SASS6: variants seen among roughly 807,000 people sequenced by gnomAD.
SASS6 encodes SAS-6 centriolar assembly protein, also known as spindle assembly abnormal protein 6 homolog.
A neutral mutation model predicts 94.9 loss-of-function variants in SASS6; 59 were observed. That is an observed-to-expected ratio of 0.62 (90% CI 0.50 to 0.77). The LOEUF (loss-of-function observed/expected upper bound fraction) is 0.77. SASS6 is among the 30% of genes least tolerant of loss of function. SASS6 has a pLI of 0.00. For missense variants in SASS6, 698 were observed against 734.1 expected (o/e 0.95, Z 0.57); for synonymous variants, 264 against 270.0 (o/e 0.98, Z 0.22).
chr1:100,113,147 A>T (rs1653483470), intron 7 of SASS6, among the ~76,000 whole-genome samples: 1 of 152,226 alleles, frequency 6.6e-6, no homozygotes, highest in Non-Finnish European at 1.5e-5. Flanking sequence ...GAATAGAGTG[A>T]GGTAGAGATT....
intron 16 of SASS6, 34 bp downstream of exon 16, chr1:100,085,502 T>C: frequency 5.1e-6 from 8 of 1,579,700 alleles, no homozygotes; most frequent in Non-Finnish European, 6.1e-6. Context: ...TTAATTCAAC[T>C]ATAAAGTACA....
intron 2 of SASS6, among the ~76,000 whole-genome samples, chr1:100,123,829 A>G (rs1654378765): frequency 6.6e-6 from 1 of 152,202 alleles, no homozygotes; most frequent in Non-Finnish European, 1.5e-5. Flanking sequence ...GTGGCCACTG[A>G]TATGGAAGCC....
At chr1:100,124,550 T>A (rs1434347789) in intron 2 of SASS6, among the ~76,000 whole-genome samples, 1 of 152,140 alleles carries the variant, frequency 6.6e-6, no homozygotes, top group Non-Finnish European at 1.5e-5. Flanking sequence ...TCAGCTAATT[T>A]GTGTATTTTT....
intron 14 of SASS6, among the ~76,000 whole-genome samples, chr1:100,100,491 T>G (rs1246665119): frequency 6.6e-6 from 1 of 152,214 alleles, no homozygotes; most frequent in Non-Finnish European, 1.5e-5. Flanking sequence ...TATCATTGTA[T>G]CCAAAAATAA....
chr1:100,132,674 G>T, intron 1 of SASS6, 76 bp downstream of exon 1: 1 of 1,233,838 alleles, frequency 8.1e-7, no homozygotes, highest in Non-Finnish European at 1.2e-6. Flanking sequence ...TGGATCCCAC[G>T]GGCCAGAACC....
chr1:100,118,173 G>C (rs1339839405), intron 7 of SASS6, among the ~76,000 whole-genome samples: 1 of 151,974 alleles, frequency 6.6e-6, no homozygotes, highest in Non-Finnish European at 1.5e-5. Context: ...AAATTAGCTG[G>C]GCATGGTGGC....
chr1:100,089,137 C>T (rs1651510844), intron 14 of SASS6, among the ~76,000 whole-genome samples: 3 of 151,950 alleles, frequency 2.0e-5, no homozygotes, highest in Non-Finnish European at 4.4e-5. Context: ...GAAAATTTCT[C>T]ACTGAATAAA....
intron 6 of SASS6, among the ~76,000 whole-genome samples, chr1:100,119,762 C>G (rs919452914): frequency 6.6e-6 from 1 of 152,196 alleles, no homozygotes; most frequent in African/African-American, 2.4e-5. Context: ...TCCTGCTCCC[C>G]TTTGCCTTCA....
rs1651154280 is a variant in SASS6 at position 100,085,310 on chromosome 1, TA to T, written c.*17del. 6.7e-7 allele frequency: 1 copy of T among 1,484,412 alleles called. No individual in the cohort carries two copies. Among genetic ancestry groups the T allele is most frequent in the Admixed American group, 1.7e-5 (1 of 59,376 alleles). The allele number at this position is 1,484,412 out of a possible 1,614,324, so 92.0% of individuals were successfully genotyped here. On this transcript the variant is annotated 3_prime_UTR_variant, in exon 17 of 17. Coordinates refer to ENST00000287482, the MANE Select transcript of SASS6 (RefSeq NM_194292.3). Reference sequence around the variant, plus strand: ...GAGTTTCTAAAATACCAATAAAAAGTAAAACATGACACTAGAATTAACTGTT... The same window carrying T: ...GAGTTTCTAAAATACCAATAAAAAGTAAACATGACACTAGAATTAACTGTT...
At chr1:100,118,163 A>G (rs924581881) in intron 7 of SASS6, among the ~76,000 whole-genome samples, 1 of 152,098 alleles carries the variant, frequency 6.6e-6, no homozygotes, top group African/African-American at 2.4e-5. Flanking sequence ...TAAAAATACA[A>G]AATTAGCTGG....
intron 14 of SASS6, among the ~76,000 whole-genome samples, chr1:100,093,273 G>A (rs1262942946): frequency 7.0e-6 from 1 of 142,420 alleles, no homozygotes; most frequent in African/African-American, 2.6e-5. Context: ...TCCACATCCT[G>A]GGCTCAGGTG....
At chr1:100,088,270 T>A (rs776078304) in intron 14 of SASS6, 34 bp from the exon 15 acceptor site, 10 of 1,061,524 alleles carry the variant, frequency 9.4e-6, no homozygotes, top group Non-Finnish European at 1.5e-5. Context: ...TGTAACTGAG[T>A]TATATAGAAG....
Position 100,088,209 on chromosome 1 carries a change from G to A in SASS6, c.1702C>T (p.Pro568Ser). The part of the protein sequence containing the change: ...KVQFNLQFTK[P>S]NASLGDVQSG... The stretch of plus-strand genomic sequence containing the variant: ...TGAACATCTCCTAGTGATGCATTTG[G>A]TTTTGTAAACTGCAAATTAAACTGA... Residue 568 changes from proline (P) to serine (S), a missense_variant, in exon 15 of 17, where the codon CCA (proline) becomes TCA (serine). Physicochemically the swap from Pro to Ser is moderately conservative, Grantham distance 74. Coordinates refer to ENST00000287482, the MANE Select transcript of SASS6 (RefSeq NM_194292.3). 1.2e-6 allele frequency: 2 copies of A among 1,601,914 alleles called. No homozygotes were observed. Among genetic ancestry groups the A allele is most frequent in the East Asian group, 4.5e-5 (2 of 44,802 alleles).
intron 13 of SASS6, 84 bp from the exon 14 acceptor site, chr1:100,103,167 T>C: frequency 1.3e-6 from 1 of 798,260 alleles, no homozygotes; most frequent in Non-Finnish European, 2.0e-6. Context: ...TAGCATCTGT[T>C]ATAATAACTA....
At chr1:100,128,621 GCTAA>G (rs1654793092) in intron 1 of SASS6, among the ~76,000 whole-genome samples, 1 of 152,278 alleles carries the variant, frequency 6.6e-6, no homozygotes, top group African/African-American at 2.4e-5. Flanking sequence ...CAGAGGATAC[GCTAA>G]CTAAAATCAC....
At position 100,094,887 on chromosome 1, in the gene SASS6, G is replaced by T. The variant is rs1260592943; in HGVS notation, c.1675-6651C>A. On this transcript the variant is annotated intron_variant, in intron 14 of 16. Coordinates refer to ENST00000287482, the MANE Select transcript of SASS6 (RefSeq NM_194292.3). ...TCTCCAAAAAAAAAAAAAAGAAAAAGAAACAAAAAGTAAATTAACTCCAGC... is the reference window on the plus strand; with the variant it reads ...TCTCCAAAAAAAAAAAAAAGAAAAATAAACAAAAAGTAAATTAACTCCAGC... Among the ~76,000 whole-genome samples the T allele has an allele frequency of 2.7e-5, 4 of 147,800 alleles. No homozygotes were observed. The South Asian group carries it at 8.5e-4, about 31-fold the overall frequency.
intron 14 of SASS6, among the ~76,000 whole-genome samples, chr1:100,091,978 A>G (rs1651730998): frequency 7.1e-6 from 1 of 139,912 alleles, no homozygotes; most frequent in African/African-American, 2.7e-5. Flanking sequence ...ACTGTACTCC[A>G]GCCTGAGCTA....
At chr1:100,099,568 A>T (rs1016264066) in intron 14 of SASS6, 2 of 152,292 alleles carry the variant, frequency 1.3e-5, no homozygotes, top group African/African-American at 4.8e-5. Flanking sequence ...TATGCTTGGG[A>T]TAGGGGCTCC....
At chr1:100,106,366 C>T (rs190302085) in intron 12 of SASS6, among the ~76,000 whole-genome samples, 7 of 152,140 alleles carry the variant, frequency 4.6e-5, no homozygotes, top group African/African-American at 1.4e-4. Flanking sequence ...ACATTTTCAA[C>T]AGTTTTAATT....
Sources: allele counts gnomAD v4.1 joint callset (sites outside exome capture counted in the v4.1 genomes callset), GRCh38; gene constraint gnomAD v4.1.1; transcripts MANE v1.5; gene names NCBI Gene and HGNC (gene_info 2026-07-23, HGNC 2026-07-21).